GALNT17: variants seen among roughly 807,000 people sequenced by gnomAD.
GALNT17 encodes UDP-GalNAc:polypeptide N-acetylgalactosaminyltransferase-like 3.
Under a neutral mutation model 63.7 loss-of-function variants are expected in GALNT17, and 29 were observed. The ratio of observed to expected loss-of-function variants is 0.46; its 90% CI spans 0.34 to 0.62. The LOEUF is 0.62. Ranked by LOEUF, GALNT17 falls within the 20% of genes least tolerant of loss-of-function variation. GALNT17 has a pLI of 0.01. For synonymous variants in GALNT17, 305 were observed against 318.3 expected, an observed-to-expected ratio of 0.96 and a Z score of 0.45; for missense variants, 603 against 799.6, an observed-to-expected ratio of 0.75 and a Z score of 2.97.
At chr7:71,216,902 A>G (rs2116409337) in intron 1 of GALNT17, among the ~76,000 whole-genome samples, 1 of 152,242 alleles carries the variant, frequency 6.6e-6, no homozygotes, top group Middle Eastern at 3.4e-3. Flanking sequence ...CTTTATTGTT[A>G]TATAATTTCC....
At chr7:71,257,464 C>T (rs1246480002) in intron 1 of GALNT17, among the ~76,000 whole-genome samples, 1 of 152,114 alleles carries the variant, frequency 6.6e-6, no homozygotes, top group African/African-American at 2.4e-5. Context: ...CTCCACTGCT[C>T]ATTTATCAAA....
chr7:71,659,421 G>A (rs1221906391), intron 6 of GALNT17, among the ~76,000 whole-genome samples: 1 of 152,190 alleles, frequency 6.6e-6, no homozygotes, highest in Admixed American at 6.5e-5. Flanking sequence ...TCCACTGATG[G>A]GTTGTCTTGG....
chr7:71,178,780 CA>C (rs1396877404), intron 1 of GALNT17, among the ~76,000 whole-genome samples: 6 of 152,092 alleles, frequency 3.9e-5, no homozygotes, highest in African/African-American at 1.4e-4. Flanking sequence ...ATATATTTTT[CA>C]TTTAAAATTC....
chr7:71,661,647 C>A (rs1020487895), intron 6 of GALNT17, among the ~76,000 whole-genome samples: 1 of 152,174 alleles, frequency 6.6e-6, no homozygotes, highest in African/African-American at 2.4e-5. Context: ...ATGTTGTGGG[C>A]ATCCAGGCCA....
chr7:71,579,626 C>T (rs1789600802), intron 6 of GALNT17, among the ~76,000 whole-genome samples: 1 of 152,104 alleles, frequency 6.6e-6, no homozygotes, highest in Non-Finnish European at 1.5e-5. Context: ...ATATTCTAGA[C>T]AGAAAAACAT....
intron 5 of GALNT17, among the ~76,000 whole-genome samples, chr7:71,478,233 C>T (rs1787756356): frequency 6.6e-6 from 1 of 152,080 alleles, no homozygotes; most frequent in South Asian, 2.1e-4. Flanking sequence ...TTCCTGGTGG[C>T]TATGGCAAAC....
intron 2 of GALNT17, among the ~76,000 whole-genome samples, chr7:71,342,706 G>A (rs922329386): frequency 6.6e-6 from 1 of 152,086 alleles, no homozygotes; most frequent in Non-Finnish European, 1.5e-5. Context: ...TATGTGAGGT[G>A]GGGGTTTGTA....
intron 2 of GALNT17, among the ~76,000 whole-genome samples, chr7:71,349,511 A>G (rs1792154217): frequency 6.6e-6 from 1 of 152,242 alleles, no homozygotes; most frequent in African/African-American, 2.4e-5. Flanking sequence ...AAAATGTTTA[A>G]TGTCATCATA....
intron 9 of GALNT17, among the ~76,000 whole-genome samples, chr7:71,695,290 G>T (rs1791523184): frequency 6.6e-6 from 1 of 152,152 alleles, no homozygotes; most frequent in South Asian, 2.1e-4. Flanking sequence ...AAGAAAATCA[G>T]CCTGAGGTTT....
chr7:71,342,525 C>T (rs1346566822), intron 2 of GALNT17, among the ~76,000 whole-genome samples: 2 of 152,040 alleles, frequency 1.3e-5, no homozygotes, highest in African/African-American at 2.4e-5. Flanking sequence ...AAAAGCAAAG[C>T]AATTAATACA....
chr7:71,663,191 T>C (rs1359747839), intron 6 of GALNT17, among the ~76,000 whole-genome samples: 2 of 152,200 alleles, frequency 1.3e-5, no homozygotes, highest in Non-Finnish European at 2.9e-5. Flanking sequence ...TTGTTTTTCC[T>C]TACGAACTTT....
chr7:71,265,395 G>C (rs1271634520), intron 1 of GALNT17, among the ~76,000 whole-genome samples: 2 of 151,594 alleles, frequency 1.3e-5, no homozygotes, highest in African/African-American at 4.8e-5. Flanking sequence ...AAGGTGTTGG[G>C]ATTACAGACG....
At chr7:71,140,064 C>T (rs1026952981) in intron 1 of GALNT17, among the ~76,000 whole-genome samples, 2 of 152,118 alleles carry the variant, frequency 1.3e-5, no homozygotes, top group Admixed American at 6.6e-5. Flanking sequence ...AAAGCATCTC[C>T]GTTCATTAAT....
intron 5 of GALNT17, among the ~76,000 whole-genome samples, chr7:71,505,772 T>G (rs1295024254): frequency 3.3e-5 from 5 of 152,210 alleles, no homozygotes; most frequent in African/African-American, 9.6e-5. Flanking sequence ...ACACAAGCCC[T>G]TGGCAGGCTC....
intron 1 of GALNT17, among the ~76,000 whole-genome samples, chr7:71,183,614 G>T (rs1788775585): frequency 6.6e-6 from 1 of 152,130 alleles, no homozygotes; most frequent in African/African-American, 2.4e-5. Flanking sequence ...TTCCCTTTCT[G>T]TAAAAACCAA....
chr7:71,137,471 A>G (rs1348034393), intron 1 of GALNT17, among the ~76,000 whole-genome samples: 2 of 152,298 alleles, frequency 1.3e-5, no homozygotes, highest in Non-Finnish European at 2.9e-5. Context: ...CCCATCCCTC[A>G]GCACACCACA....
chr7:71,437,911 C>T (rs576652804), intron 5 of GALNT17, among the ~76,000 whole-genome samples: 1 of 152,222 alleles, frequency 6.6e-6, no homozygotes, highest in Admixed American at 6.5e-5. Context: ...TAGGGTCTTG[C>T]TATGTTGTCC....
intron 5 of GALNT17, among the ~76,000 whole-genome samples, chr7:71,516,629 C>A (rs1367705766): frequency 6.6e-6 from 1 of 152,094 alleles, no homozygotes; most frequent in East Asian, 1.9e-4. Context: ...TATAGGGTTC[C>A]TTGAAGAAAA....
intron 5 of GALNT17, among the ~76,000 whole-genome samples, chr7:71,542,357 T>C (rs1788906502): frequency 6.6e-6 from 1 of 151,366 alleles, no homozygotes; most frequent in Admixed American, 6.6e-5. Context: ...ACCTAGAAAA[T>C]CCACTTGCTT....
Sources: gnomAD v4.1 joint callset for allele counts (sites outside exome capture counted in the v4.1 genomes callset) on GRCh38, gnomAD v4.1.1 for gene constraint, MANE v1.5 for transcripts, NCBI Gene and HGNC (gene_info 2026-07-23, HGNC 2026-07-21) for gene names.